Variants in DLEC1 observed in about 807,000 individuals in gnomAD.
The protein encoded by DLEC1 is deleted in lung and esophageal cancer protein 1.
A neutral mutation model predicts 198.1 loss-of-function variants in DLEC1; 146 were observed. That is an observed-to-expected ratio of 0.74 (90% CI 0.64 to 0.85). The LOEUF is 0.85. DLEC1 is among the 40% of genes least tolerant of loss of function. DLEC1 has a pLI of 0.00. For synonymous variants in DLEC1, 897 were observed against 866.8 expected (o/e 1.03, Z -0.61); for missense variants, 2,233 against 2,220.0 (o/e 1.01, Z -0.12).
chr3:38,046,909 C>T (rs1700910917), intron 2 of DLEC1, among the ~76,000 whole-genome samples: 1 of 152,196 alleles, frequency 6.6e-6, no homozygotes, highest in Admixed American at 6.5e-5. Context: ...CCTGACAGTT[C>T]TTGACCAGAC....
rs751990042 is a variant in DLEC1, at chr3:38,110,282, G to A, written c.3443+1G>A. On this transcript the variant is annotated splice_donor_variant, in intron 23 of 36. Coordinates refer to ENST00000308059, the MANE Select transcript of DLEC1 (RefSeq NM_007335.4). LOFTEE classifies it high-confidence loss of function. The stretch of plus-strand genomic sequence containing the variant: ...ACAGCCTGAGCAAAAAGACCAGCCT[G>A]TAAGTCTTGCTTCTTTCACTTCCCA... 1.2e-6 allele frequency: 2 copies of A among 1,614,130 alleles called. No homozygotes were observed. The highest frequency in any genetic ancestry group is 1.7e-6 in the Non-Finnish European group (2 of 1,180,024).
intron 1 of DLEC1, among the ~76,000 whole-genome samples, chr3:38,041,293 C>T (rs1236846127): frequency 6.6e-6 from 1 of 151,852 alleles, no homozygotes; most frequent in Non-Finnish European, 1.5e-5. Context: ...TGAGCCACCA[C>T]ATCTGGCCTA....
In DLEC1 at chr3:38,100,349, G is replaced by A. The variant is rs1438865670; in HGVS notation, c.2788G>A (p.Asp930Asn). The change falls in exon 19 of 37, where the codon GAC becomes AAC. Residue 930 changes from aspartate (D) to asparagine (N), a missense_variant. By Grantham distance (23) the Asp-to-Asn change is conservative. Coordinates refer to ENST00000308059, the MANE Select transcript of DLEC1 (RefSeq NM_007335.4). ...QLHSLGECRV[D>N]ITLEALHCQH... ...TCACTCTCTGGGGGAGTGCAGGGTG[G>A]ACATCACCTTGGAGGCCCTGCACTG... The A allele has an allele frequency of 5.6e-6, 9 of 1,613,892 alleles. No individual in the cohort carries two copies. Among genetic ancestry groups the A allele is most frequent in the Admixed American group, 1.7e-5 (1 of 59,968 alleles).
intron 25 of DLEC1, among the ~76,000 whole-genome samples, chr3:38,113,937 TAA>T (rs1238163216): frequency 6.6e-6 from 1 of 151,876 alleles, no homozygotes. Flanking sequence ...TCTTTTCATT[TAA>T]AAGACAGAAA....
At chr3:38,088,658 C>A (rs1425723971) in intron 10 of DLEC1, among the ~76,000 whole-genome samples, 1 of 152,198 alleles carries the variant, frequency 6.6e-6, no homozygotes, top group African/African-American at 2.4e-5. Context: ...GCTACCTCCA[C>A]CAATGTCCAA....
Position 38,097,183 on chromosome 3 carries a change from T to A in DLEC1, c.2342T>A (p.Met781Lys). The A allele has an allele frequency of 6.4e-7, 1 of 1,569,852 alleles. No homozygotes were observed. The highest frequency in any genetic ancestry group is 8.6e-7 in the Non-Finnish European group (1 of 1,156,144). ...AGCCTGGTCTCGGGTGTCTTTCAGA[T>A]GTGGAACAACAGCAAGTCACCCATC... ...IGINVKKAFK[M>K]WNNSKSPIRY... Residue 781 changes from methionine to lysine, a missense_variant and splice_region_variant, in exon 16 of 37, where the codon ATG (methionine) becomes AAG (lysine). Physicochemically the swap from Met to Lys is moderately conservative, Grantham distance 95. Coordinates refer to ENST00000308059, the MANE Select transcript of DLEC1 (RefSeq NM_007335.4).
intron 6 of DLEC1, among the ~76,000 whole-genome samples, chr3:38,083,908 G>A (rs1409050501): frequency 1.3e-5 from 2 of 152,044 alleles, no homozygotes; most frequent in Non-Finnish European, 2.9e-5. Flanking sequence ...GGGATTACAG[G>A]CGTGAGCCAC....
In DLEC1 at chr3:38,122,864, C is replaced by T; in HGVS notation, c.*452C>T. ...GGGTCTGATGGGTGGCTCAACACCC[C>T]ACCCACTCCTATACCATGTCATCAG... On this transcript the variant is annotated 3_prime_UTR_variant, in exon 37 of 37. Transcript: ENST00000308059. 1.3e-6 allele frequency: 1 copy of T among 780,230 alleles called. No individual in the cohort carries two copies. Among genetic ancestry groups the T allele is most frequent in the Non-Finnish European group, 2.0e-6 (1 of 499,312 alleles). 48.3% of individuals were successfully genotyped at this position (780,230 alleles called of 1,614,324 possible).
intron 1 of DLEC1, among the ~76,000 whole-genome samples, chr3:38,040,225 ATCT>A (rs761655400): frequency 9.2e-5 from 14 of 152,212 alleles, no homozygotes; most frequent in African/African-American, 1.2e-4. Context: ...TGCCTCTCAG[ATCT>A]TCTTCTTCTC....
At position 38,114,474 on chromosome 3, in the gene DLEC1, A is replaced by G; in HGVS notation, c.3785+14A>G. ...ACCAGCCATGAGGTGCTCCATGCTC[A>G]GCCTGAGCCTCTGCTCCCTGGTAGC... On this transcript the variant is annotated intron_variant, in intron 26 of 36. Transcript: ENST00000308059. 1 of 1,611,874 alleles carries G rather than the reference A, an allele frequency of 6.2e-7. No individual in the cohort carries two copies. Among genetic ancestry groups the G allele is most frequent in the Non-Finnish European group, 8.5e-7 (1 of 1,177,968 alleles).
chr3:38,112,390 G>T lies in DLEC1; in HGVS notation c.3666+29G>T, dbSNP rs771176432. On this transcript the variant is annotated intron_variant, in intron 25 of 36. Coordinates refer to ENST00000308059, the MANE Select transcript of DLEC1 (RefSeq NM_007335.4). This position sits in a 1 kb window ranked among gnomAD's most constrained non-coding sequence, Gnocchi z 4.8. ...AGGGTACACAAGAGGGCAGTGGCCT[G>T]GGGGGTGGAGAGTCTGCCCAGCCCT... is the stretch of plus-strand genomic sequence containing the variant. The T allele has an allele frequency of 1.2e-6, 2 of 1,607,838 alleles. No homozygotes were observed. The highest frequency in any genetic ancestry group is 1.1e-5 in the South Asian group (1 of 90,978).
At chr3:38,105,907 G>A (rs1359777087) in intron 19 of DLEC1, among the ~76,000 whole-genome samples, 1 of 151,986 alleles carries the variant, frequency 6.6e-6, no homozygotes, top group Non-Finnish European at 1.5e-5. Context: ...TTTCTAGTAT[G>A]CCATTTTAAT....
At chr3:38,075,877 G>A (rs1379625798) in intron 6 of DLEC1, among the ~76,000 whole-genome samples, 1 of 151,678 alleles carries the variant, frequency 6.6e-6, no homozygotes, top group African/African-American at 2.4e-5. Flanking sequence ...AGAGAGAAGG[G>A]GTTGGGGTAC....
chr3:38,090,617 C>T (rs953012323), intron 10 of DLEC1, among the ~76,000 whole-genome samples: 1 of 152,306 alleles, frequency 6.6e-6, no homozygotes, highest in East Asian at 1.9e-4. Context: ...TGAGTCTACC[C>T]ACAGGATACA....
At chr3:38,087,114 A>C (rs1210456779) in intron 9 of DLEC1, among the ~76,000 whole-genome samples, 1 of 151,936 alleles carries the variant, frequency 6.6e-6, no homozygotes, top group African/African-American at 2.4e-5. Context: ...AAAGTTCTAC[A>C]TTTCCAGTCC....
At chr3:38,090,825 A>G (rs1698709249) in intron 10 of DLEC1, among the ~76,000 whole-genome samples, 1 of 152,206 alleles carries the variant, frequency 6.6e-6, no homozygotes. Context: ...ATATAAAAAC[A>G]TATACAAAAA....
chr3:38,053,201 C>T (rs1431695008), intron 2 of DLEC1, among the ~76,000 whole-genome samples: 4 of 152,226 alleles, frequency 2.6e-5, no homozygotes, highest in Non-Finnish European at 4.4e-5. Context: ...CAGCCTCTGC[C>T]CAGCGGCCAC....
In DLEC1 at chr3:38,122,621, A is replaced by C. The variant is rs746456617; in HGVS notation, c.*209A>C. ...GCTAACATAAAGGACAGGCCACACCACAGCAGAGACCACCACATTGAGATC... is the reference window on the plus strand; with the variant it reads ...GCTAACATAAAGGACAGGCCACACCCCAGCAGAGACCACCACATTGAGATC... On this transcript the variant is annotated 3_prime_UTR_variant, in exon 37 of 37. Transcript: ENST00000308059. The C allele has an allele frequency of 6.5e-7, 1 of 1,530,828 alleles. No individual in the cohort carries two copies. The allele number at this position is 1,530,828 out of a possible 1,614,324, so 94.8% of individuals were successfully genotyped here.
chr3:38,084,268 C>A (rs761869874), intron 7 of DLEC1, 23 bp downstream of exon 7: 2 of 1,592,984 alleles, frequency 1.3e-6, no homozygotes, highest in Non-Finnish European at 1.7e-6. Flanking sequence ...TTTGTAAGTT[C>A]ATTAGTAGTA....
Sources: allele counts gnomAD v4.1 joint callset (sites outside exome capture counted in the v4.1 genomes callset), GRCh38; gene constraint gnomAD v4.1.1; non-coding constraint Gnocchi (gnomAD v3.1); transcripts MANE v1.5; gene names NCBI Gene and HGNC (gene_info 2026-07-23, HGNC 2026-07-21).